Variants in SULT1B1 observed in about 807,000 individuals in gnomAD.
SULT1B1 encodes the protein sulfotransferase 1B1.
A neutral mutation model predicts 34.6 loss-of-function variants in SULT1B1; 28 were observed. The ratio of observed to expected loss-of-function variants is 0.81; its 90% CI spans 0.60 to 1.11. The LOEUF (loss-of-function observed/expected upper bound fraction) is 1.11, where lower values mean the gene tolerates loss of function less well. Ranked by LOEUF, SULT1B1 falls within the 50% of genes least tolerant of loss-of-function variation. The probability of loss-of-function intolerance (pLI) is 0.00; values close to 1 mark genes in which losing one functional copy is unlikely to be tolerated. For missense variants in SULT1B1, 374 were observed against 352.2 expected, an observed-to-expected ratio of 1.06 and a Z score of -0.50; for synonymous variants, 147 against 110.2, an observed-to-expected ratio of 1.33 and a Z score of -2.09.
At chr4:69,746,068 T>C (rs1222885502) in intron 4 of SULT1B1, among the ~76,000 whole-genome samples, 1 of 152,228 alleles carries the variant, frequency 6.6e-6, no homozygotes, top group Non-Finnish European at 1.5e-5. Flanking sequence ...TTCTGCTGAA[T>C]AGTCCACTGC....
rs368381287 is a variant in SULT1B1, at chr4:69,727,641, TA to T, written c.779-442del. Among the ~76,000 whole-genome samples the T allele has an allele frequency of 2.1e-4, 32 of 152,144 alleles. 1 individual carries two copies. Among genetic ancestry groups the T allele is most frequent in the African/African-American group, 7.0e-4 (29 of 41,562 alleles). On this transcript the variant is annotated intron_variant, in intron 7 of 7. Coordinates refer to ENST00000310613, the MANE Select transcript of SULT1B1 (RefSeq NM_014465.4). ...TCATCAGCACAGCAAAACTGTGAAA[TA>T]AAAAGTTGATAAGTATCATTTCCTA... is the stretch of plus-strand genomic sequence containing the variant.
At chr4:69,747,709 G>A (rs566574704) in intron 4 of SULT1B1, among the ~76,000 whole-genome samples, 1 of 152,256 alleles carries the variant, frequency 6.6e-6, no homozygotes, top group East Asian at 1.9e-4. Flanking sequence ...CTCCCTGCCA[G>A]CTAAAATGTC....
rs78070852 is a variant in SULT1B1 at position 69,760,278 on chromosome 4, T to C, written c.-45+181A>G. 1.0e-4 allele frequency: 98 copies of C among 947,552 alleles called. No homozygotes were observed. In the East Asian group the frequency reaches 8.5e-3, roughly 82 times the overall value. 58.7% of individuals were successfully genotyped at this position (947,552 alleles called of 1,614,324 possible). A position where few individuals can be genotyped will look rare whatever the true frequency, so the allele number is the denominator to read the frequency against. On this transcript the variant is annotated intron_variant, in intron 1 of 7. Coordinates refer to ENST00000310613, the MANE Select transcript of SULT1B1 (RefSeq NM_014465.4). Reference sequence around the variant, plus strand: ...AAATGTAGAAAAATAAAATTGAACATTGAAAGCTTGAGAGATTTTAGACAG... The same window carrying C: ...AAATGTAGAAAAATAAAATTGAACACTGAAAGCTTGAGAGATTTTAGACAG...
chr4:69,737,007 T>C (rs1053314209), intron 4 of SULT1B1, among the ~76,000 whole-genome samples: 1 of 151,298 alleles, frequency 6.6e-6, no homozygotes, highest in Non-Finnish European at 1.5e-5. Flanking sequence ...TAAGAAGTTG[T>C]GTGAACTCAA....
chr4:69,750,890 C>G (rs1167253302), intron 3 of SULT1B1, among the ~76,000 whole-genome samples: 1 of 151,846 alleles, frequency 6.6e-6, no homozygotes, highest in East Asian at 1.9e-4. Context: ...TATGAAGAAG[C>G]CTATTTAATG....
intron 3 of SULT1B1, among the ~76,000 whole-genome samples, chr4:69,754,137 A>T (rs1719094065): frequency 6.6e-6 from 1 of 152,190 alleles, no homozygotes; most frequent in African/African-American, 2.4e-5. Context: ...ACTATGTAAG[A>T]CTATGAACAT....
At chr4:69,741,543 G>C (rs1042227455) in intron 4 of SULT1B1, among the ~76,000 whole-genome samples, 1 of 152,008 alleles carries the variant, frequency 6.6e-6, no homozygotes, top group Non-Finnish European at 1.5e-5. Flanking sequence ...ATTAGTTTTT[G>C]TCATTTCTGG....
rs61568361 is a variant in SULT1B1, at chr4:69,760,581, G to GA, written c.-168dup. ...GAGCACAGGAAGGCTCCTGGCACCA[G>GA]AAAAAAAAAAGTTCAAGGTTTGATC... On this transcript the variant is annotated 5_prime_UTR_variant, in exon 1 of 8. Transcript: ENST00000310613. The GA allele has an allele frequency of 1.8e-3, 267 of 148,958 alleles. 3 individuals carry two copies. The highest frequency in any genetic ancestry group is 6.3e-3 in the African/African-American group (254 of 40,598). The allele number at this position is 148,958 out of a possible 1,614,324, so 9.2% of individuals were successfully genotyped here.
At position 69,734,207 on chromosome 4, in the gene SULT1B1, A is replaced by C. The variant is rs11569736; in HGVS notation, c.433T>G (p.Leu145Val). 5.0e-3 allele frequency: 8,093 copies of C among 1,613,306 alleles called. 383 individuals are homozygous for C. In the African/African-American group the frequency reaches 0.095, roughly 19 times the overall value. Reference sequence around the variant, plus strand: ...GGAAAAGGCTGTAAATTATTCATTAAGTCAAAATGGTAATATGAGACTGAA... The same window carrying C: ...GGAAAAGGCTGTAAATTATTCATTACGTCAAAATGGTAATATGAGACTGAA... ...DVSVSYYHFD[L>V]MNNLQPFPGT... The change falls in exon 5 of 8, where the codon TTA becomes GTA. Residue 145 changes from leucine to valine, a missense_variant. Transcript: ENST00000310613.
At chr4:69,748,529 A>T (rs1238082791) in intron 4 of SULT1B1, among the ~76,000 whole-genome samples, 2 of 152,236 alleles carry the variant, frequency 1.3e-5, no homozygotes, top group Non-Finnish European at 2.9e-5. Flanking sequence ...AGAGGATGTA[A>T]TAAAAATATA....
In SULT1B1 at chr4:69,726,355, G is replaced by A. The variant is rs1202270392; in HGVS notation, c.*733C>T. 6.6e-6 allele frequency: 1 copy of A among 151,604 alleles called. No homozygotes were observed. The highest frequency in any genetic ancestry group is 1.5e-5 in the Non-Finnish European group (1 of 67,856). 9.4% of individuals were successfully genotyped at this position (151,604 alleles called of 1,614,324 possible). ...CACAGCAGTAGGTGATTTCTCTGAA[G>A]TTCAAACGGGTCTGTTGGGAAAAAG... On this transcript the variant is annotated 3_prime_UTR_variant, in exon 8 of 8. Coordinates refer to ENST00000310613, the MANE Select transcript of SULT1B1 (RefSeq NM_014465.4).
intron 1 of SULT1B1, chr4:69,758,453 T>C: frequency 1.0e-6 from 1 of 985,334 alleles, no homozygotes; most frequent in Non-Finnish European, 1.2e-6. Flanking sequence ...CATTTTATTT[T>C]ATTAACTTCT....
At chr4:69,728,310 A>G (rs1449354261) in intron 7 of SULT1B1, among the ~76,000 whole-genome samples, 1 of 152,118 alleles carries the variant, frequency 6.6e-6, no homozygotes, top group Non-Finnish European at 1.5e-5. Context: ...GCCAAAGGCC[A>G]GGTTTTTCTA....
At chr4:69,748,689 A>C (rs1217152939) in intron 4 of SULT1B1, among the ~76,000 whole-genome samples, 3 of 152,220 alleles carry the variant, frequency 2.0e-5, no homozygotes, top group African/African-American at 7.2e-5. Context: ...ATAAAATTAG[A>C]AATCAATAAC....
intron 3 of SULT1B1, among the ~76,000 whole-genome samples, chr4:69,750,548 TC>T: frequency 6.6e-6 from 1 of 152,306 alleles, no homozygotes; most frequent in East Asian, 1.9e-4. Context: ...TCTTACATAA[TC>T]TTGCCATCTC....
chr4:69,723,068 T>A lies in SULT1B1; in HGVS notation c.*4020A>T, dbSNP rs1227984696. The stretch of plus-strand genomic sequence containing the variant: ...AAGACACAAAAACCCCTTCAAAAAA[T>A]CAGTGAATTCAGGAGCTGGTTTTTC... On this transcript the variant is annotated 3_prime_UTR_variant, in exon 8 of 8. Transcript: ENST00000310613. 2.0e-5 allele frequency: 3 copies of A among 151,782 alleles called. No individual in the cohort carries two copies. The East Asian group carries it at 5.8e-4, about 29-fold the overall frequency. 9.4% of individuals were successfully genotyped at this position (151,782 alleles called of 1,614,324 possible). A position where few individuals can be genotyped will look rare whatever the true frequency, so the allele number is the denominator to read the frequency against.
At chr4:69,758,107 G>T (rs2110034088) in intron 1 of SULT1B1, among the ~76,000 whole-genome samples, 1 of 152,308 alleles carries the variant, frequency 6.6e-6, no homozygotes, top group Non-Finnish European at 1.5e-5. Flanking sequence ...TTGTAGAAAA[G>T]ATTCTCCAGC....
chr4:69,759,120 A>C (rs1719299927), intron 1 of SULT1B1, among the ~76,000 whole-genome samples: 1 of 152,222 alleles, frequency 6.6e-6, no homozygotes, highest in Admixed American at 6.5e-5. Flanking sequence ...AATTGTACTG[A>C]TTGTGCTTCA....
intron 4 of SULT1B1, among the ~76,000 whole-genome samples, chr4:69,743,978 C>CT (rs1358650406): frequency 1.3e-5 from 2 of 152,072 alleles, no homozygotes; most frequent in Admixed American, 1.3e-4. Context: ...GCTCCTGGCC[C>CT]CCAAAAGCAC....
Sources: allele counts gnomAD v4.1 joint callset (sites outside exome capture counted in the v4.1 genomes callset), GRCh38; gene constraint gnomAD v4.1.1; transcripts MANE v1.5; gene names NCBI Gene and HGNC (gene_info 2026-07-23, HGNC 2026-07-21).